ADAM8: variants seen among roughly 807,000 people sequenced by gnomAD.
ADAM8 encodes ADAM metallopeptidase domain 8.
Under a neutral mutation model 102.4 loss-of-function variants are expected in ADAM8, and 104 were observed. The observed-to-expected ratio is 1.02, with a 90% CI of 0.87 to 1.20. The LOEUF (loss-of-function observed/expected upper bound fraction) is 1.20. ADAM8 is among the 50% of genes most tolerant of loss of function. The pLI, the probability that ADAM8 is intolerant of heterozygous loss-of-function variation, is 0.00. For synonymous variants in ADAM8, 517 were observed against 485.2 expected (o/e 1.07, Z -0.86); for missense variants, 1,132 against 1,159.0 (o/e 0.98, Z 0.34).
At chr10:133,275,969 ATTC>A (rs1197451370) in intron 1 of ADAM8, 3 of 195,012 alleles carry the variant, frequency 1.5e-5, no homozygotes, top group Non-Finnish European at 3.1e-5. Flanking sequence ...CTCCTCCTCC[ATTC>A]TTCTGATCAT....
At chr10:133,265,417 T>A (rs558128686) in intron 21 of ADAM8, among the ~76,000 whole-genome samples, 1 of 152,232 alleles carries the variant, frequency 6.6e-6, no homozygotes, top group South Asian at 2.1e-4. Flanking sequence ...TCCAGACCCC[T>A]TCTAGGACTA....
rs751197473 is a variant in ADAM8, at chr10:133,269,989, C to T, written c.1786-15G>A. On this transcript the variant is annotated splice_polypyrimidine_tract_variant and intron_variant, in intron 16 of 22. Coordinates refer to ENST00000445355, the MANE Select transcript of ADAM8 (RefSeq NM_001109.5). Reference sequence around the variant, plus strand: ...TTCCAGCAAACCTGGGGGTAGGAGGCGTCTCTCAGGCAGCCGCTCTGGACC... The same window carrying T: ...TTCCAGCAAACCTGGGGGTAGGAGGTGTCTCTCAGGCAGCCGCTCTGGACC... 9 of 1,612,220 alleles carry T rather than the reference C, an allele frequency of 5.6e-6. No individual in the cohort carries two copies. The highest frequency in any genetic ancestry group is 3.3e-5 in the Admixed American group (2 of 60,010).
chr10:133,275,823 AC>A (rs1846730799), intron 1 of ADAM8: 1 of 448,964 alleles, frequency 2.2e-6, no homozygotes, highest in Admixed American at 4.5e-5. Flanking sequence ...GTGCTCAGAG[AC>A]GCTGTGGGTG....
rs1045891699 is a variant in ADAM8, at chr10:133,267,859, C to T, written c.2253+70G>A. 4.1e-6 allele frequency: 5 copies of T among 1,233,050 alleles called. No individual in the cohort carries two copies. In the African/African-American group the frequency reaches 6.3e-5, roughly 15 times the overall value. 76.4% of individuals were successfully genotyped at this position (1,233,050 alleles called of 1,614,324 possible). A position where few individuals can be genotyped will look rare whatever the true frequency, so the allele number is the denominator to read the frequency against. ...AAAGGGCTCTGCTGGCCTCGGGCTG[C>T]ACTTGGGGTCGCAGGATGGGGCCTG... On this transcript the variant is annotated intron_variant, in intron 20 of 22. Coordinates refer to ENST00000445355, the MANE Select transcript of ADAM8 (RefSeq NM_001109.5).
chr10:133,266,086 C>A (rs1846314007), intron 21 of ADAM8, among the ~76,000 whole-genome samples: 1 of 152,084 alleles, frequency 6.6e-6, no homozygotes, highest in Non-Finnish European at 1.5e-5. Context: ...CAGTGCTGCC[C>A]CCGCCAACAG....
Position 133,276,854 on chromosome 10 carries a change from C to A in ADAM8, c.-37G>T. 1 of 1,511,058 alleles carries A rather than the reference C, an allele frequency of 6.6e-7. No individual in the cohort carries two copies. The allele number at this position is 1,511,058 out of a possible 1,614,324, so 93.6% of individuals were successfully genotyped here. A position where few individuals can be genotyped will look rare whatever the true frequency, so the allele number is the denominator to read the frequency against. The stretch of plus-strand genomic sequence containing the variant: ...GGAGCAGAGGCGGAGGTGACAGCCC[C>A]GCGGGACACGGTCTGGTTCCTGCGC... On this transcript the variant is annotated 5_prime_UTR_variant, in exon 1 of 23. Transcript: ENST00000445355.
At position 133,270,748 on chromosome 10, in the gene ADAM8, G is replaced by A. The variant is rs965502239; in HGVS notation, c.1622C>T (p.Ala541Val). 1.2e-6 allele frequency: 2 copies of A among 1,606,256 alleles called. No individual in the cohort carries two copies. Among genetic ancestry groups the A allele is most frequent in the Non-Finnish European group, 8.5e-7 (1 of 1,176,246 alleles). ...FSYDILPGCK[A>V]SRYRADMCGV... Reference sequence around the variant, plus strand: ...GGTCTCAGCTCACCTGTACCGGCTGGCCTTGCAGCCTGGTAGGATGTCATA... The same window carrying A: ...GGTCTCAGCTCACCTGTACCGGCTGACCTTGCAGCCTGGTAGGATGTCATA... The change falls in exon 15 of 23, where the codon GCC becomes GTC. Residue 541 changes from alanine to valine, a missense_variant. By Grantham distance (64) the Ala-to-Val change is moderately conservative. Transcript: ENST00000445355.
intron 1 of ADAM8, among the ~76,000 whole-genome samples, chr10:133,276,345 G>A (rs933007371): frequency 1.3e-5 from 2 of 152,186 alleles, no homozygotes; most frequent in South Asian, 2.1e-4. Context: ...CCCCAGGCAG[G>A]AGACGGGTCC....
intron 21 of ADAM8, 149 bp from the exon 22 acceptor site, chr10:133,263,914 G>A (rs1389054071): frequency 4.1e-5 from 26 of 631,966 alleles, no homozygotes; most frequent in African/African-American, 9.7e-5. Context: ...CACTGAGCTC[G>A]CTACAGAAAA....
chr10:133,271,904 C>CA lies in ADAM8; in HGVS notation c.1007dup (p.Met336IlefsTer10). The CA allele has an allele frequency of 1.2e-6, 2 of 1,612,582 alleles. No homozygotes were observed. The highest frequency in any genetic ancestry group is 1.7e-6 in the Non-Finnish European group (2 of 1,179,770). ...CATGGTCCATGCCCAGGTTGTGGCC[C>CA]ATCTCATGGGCCATGGTACAGGCCA... On this transcript the variant is annotated frameshift_variant, in exon 11 of 23. Transcript: ENST00000445355. LOFTEE classifies it high-confidence loss of function.
intron 1 of ADAM8, chr10:133,275,948 CCGTT>C: frequency 4.4e-6 from 1 of 227,054 alleles, no homozygotes; most frequent in Non-Finnish European, 8.6e-6. Context: ...GCCGACCTGC[CCGTT>C]TCCATTCTCC....
chr10:133,271,098 G>A lies in ADAM8; in HGVS notation c.1375-28C>T, dbSNP rs747589598. 4.4e-5 allele frequency: 70 copies of A among 1,600,906 alleles called. 1 individual carries two copies. Among genetic ancestry groups the A allele is most frequent in the South Asian group, 1.1e-4 (10 of 90,722 alleles). On this transcript the variant is annotated intron_variant, in intron 13 of 22. Transcript: ENST00000445355. The stretch of plus-strand genomic sequence containing the variant: ...GGCCCAGCAGAGAACAGCTCACCAT[G>A]GGGACAGGTCCACGCAAGCTGCCTG...
Position 133,271,137 on chromosome 10 carries a change from C to A in ADAM8, c.1374+63G>T, listed in dbSNP as rs1846509435. Reference sequence around the variant, plus strand: ...GCAAGCTGCCTGGTCCCTGGTGCCCCAGGGTCCCTTCCCACCTGCCAGCCA... The same window carrying A: ...GCAAGCTGCCTGGTCCCTGGTGCCCAAGGGTCCCTTCCCACCTGCCAGCCA... On this transcript the variant is annotated intron_variant, in intron 13 of 22. Coordinates refer to ENST00000445355, the MANE Select transcript of ADAM8 (RefSeq NM_001109.5). The A allele has an allele frequency of 2.0e-5, 32 of 1,593,626 alleles. No homozygotes were observed. In the South Asian group the frequency reaches 3.6e-4, roughly 18 times the overall value.
rs1213136793 is a variant in ADAM8 at position 133,263,677 on chromosome 10, T to C, written c.2397+11A>G. 6.4e-6 allele frequency: 10 copies of C among 1,550,818 alleles called. No homozygotes were observed. Among genetic ancestry groups the C allele is most frequent in the South Asian group, 2.4e-5 (2 of 83,522 alleles). Reference sequence around the variant, plus strand: ...ACAGTGGACTCTGCCTGGTGTGTGCTGGGGCCTCACCTCAGCTGGACCAGG... The same window carrying C: ...ACAGTGGACTCTGCCTGGTGTGTGCCGGGGCCTCACCTCAGCTGGACCAGG... On this transcript the variant is annotated intron_variant, in intron 22 of 22. Coordinates refer to ENST00000445355, the MANE Select transcript of ADAM8 (RefSeq NM_001109.5).
rs909220505 is a variant in ADAM8, at chr10:133,262,823, G to A, written c.*333C>T. Reference sequence around the variant, plus strand: ...AGAGCAGGGGCAGGTGTGGCTGGGAGGGGCTGTATATGTGGCCTCCTGAAC... The same window carrying A: ...AGAGCAGGGGCAGGTGTGGCTGGGAAGGGCTGTATATGTGGCCTCCTGAAC... On this transcript the variant is annotated 3_prime_UTR_variant, in exon 23 of 23. Coordinates refer to ENST00000445355, the MANE Select transcript of ADAM8 (RefSeq NM_001109.5). 6.6e-6 allele frequency: 2 copies of A among 304,888 alleles called. No individual in the cohort carries two copies. Among genetic ancestry groups the A allele is most frequent in the African/African-American group, 2.2e-5 (1 of 45,762 alleles). 18.9% of individuals were successfully genotyped at this position (304,888 alleles called of 1,614,324 possible).
chr10:133,269,833 A>T, intron 17 of ADAM8, 64 bp downstream of exon 17: 1 of 1,563,414 alleles, frequency 6.4e-7, no homozygotes, highest in South Asian at 1.1e-5. Context: ...AGCTGTCCCC[A>T]GCACCGGCTC....
At chr10:133,272,652 G>T in intron 8 of ADAM8, 67 bp from the exon 9 acceptor site, 1 of 1,552,450 alleles carries the variant, frequency 6.4e-7, no homozygotes. Flanking sequence ...AGGGTGGGTG[G>T]CGGAGGATGC....
Position 133,272,420 on chromosome 10 carries a change from T to C in ADAM8, c.871A>G (p.Ile291Val). Reference protein sequence around the residue: ...RRHLHDNVQLITGVDFTGTTV... With the variant: ...RRHLHDNVQLVTGVDFTGTTV... ...CTGCCCGCTCCGCCAGCTCACGTGA[T>C]GAGCTGTACGTTGTCATGCAGGTGC... The change falls in exon 9 of 23, where the codon ATC becomes GTC. Residue 291 changes from isoleucine to valine, a missense_variant. Ile to Val is a conservative substitution (Grantham distance 29). Coordinates refer to ENST00000445355, the MANE Select transcript of ADAM8 (RefSeq NM_001109.5). The C allele has an allele frequency of 6.4e-7, 1 of 1,571,648 alleles. No homozygotes were observed.
At chr10:133,265,978 T>C (rs905597258) in intron 21 of ADAM8, among the ~76,000 whole-genome samples, 1 of 152,012 alleles carries the variant, frequency 6.6e-6, no homozygotes, top group Non-Finnish European at 1.5e-5. Flanking sequence ...TAAGGAAAAA[T>C]CTGTGGACGC....
Sources: gnomAD v4.1 joint callset for allele counts (sites outside exome capture counted in the v4.1 genomes callset) on GRCh38, gnomAD v4.1.1 for gene constraint, MANE v1.5 for transcripts, NCBI Gene and HGNC (gene_info 2026-07-23, HGNC 2026-07-21) for gene names.